DIAPH3: variants seen among roughly 807,000 people sequenced by gnomAD.
The protein encoded by DIAPH3 is protein diaphanous homolog 3.
Under a neutral mutation model 144.3 loss-of-function variants are expected in DIAPH3, and 117 were observed. The ratio of observed to expected loss-of-function variants is 0.81; its 90% CI spans 0.70 to 0.95. The LOEUF (loss-of-function observed/expected upper bound fraction) is 0.95. DIAPH3 is among the 40% of genes least tolerant of loss of function. The pLI, the probability that DIAPH3 is intolerant of heterozygous loss-of-function variation, is 0.00. For synonymous variants in DIAPH3, 519 were observed against 488.9 expected (o/e 1.06, Z -0.81); for missense variants, 1,421 against 1,412.7 (o/e 1.01, Z -0.09).
chr13:60,149,746 C>A, intron 1 of DIAPH3, among the ~76,000 whole-genome samples: 1 of 99,494 alleles, frequency 1.0e-5, no homozygotes, highest in Admixed American at 1.4e-4. Context: ...GAGTGAGACA[C>A]TGTCTCAAAA....
At chr13:59,981,133 T>C (rs1029867566) in intron 13 of DIAPH3, among the ~76,000 whole-genome samples, 2 of 151,312 alleles carry the variant, frequency 1.3e-5, no homozygotes, top group African/African-American at 4.8e-5. Flanking sequence ...CACTCAAATG[T>C]TTCTATCACC....
At chr13:59,808,029 TATAA>T (rs2040282730) in intron 25 of DIAPH3, among the ~76,000 whole-genome samples, 1 of 151,764 alleles carries the variant, frequency 6.6e-6, no homozygotes, top group African/African-American at 2.4e-5. Context: ...AAGGGAAGAT[TATAA>T]ATAAGTAGAG....
intron 27 of DIAPH3, among the ~76,000 whole-genome samples, chr13:59,756,850 A>T (rs753469449): frequency 6.6e-6 from 1 of 152,234 alleles, no homozygotes; most frequent in South Asian, 2.1e-4. Context: ...TGATAAAAAC[A>T]TACAAATAAA....
intron 4 of DIAPH3, among the ~76,000 whole-genome samples, chr13:60,045,772 CA>C (rs1243096544): frequency 1.3e-5 from 2 of 152,148 alleles, no homozygotes; most frequent in African/African-American, 4.8e-5. Flanking sequence ...AAATAAACCA[CA>C]ACTGAATAAA....
At chr13:60,074,384 C>T (rs1380432330) in intron 4 of DIAPH3, among the ~76,000 whole-genome samples, 2 of 152,132 alleles carry the variant, frequency 1.3e-5, no homozygotes, top group Non-Finnish European at 2.9e-5. Context: ...AAGGAGCAGT[C>T]ATTTATGCAA....
intron 21 of DIAPH3, among the ~76,000 whole-genome samples, chr13:59,874,293 A>C (rs2044468927): frequency 6.6e-6 from 1 of 152,178 alleles, no homozygotes; most frequent in African/African-American, 2.4e-5. Context: ...TGTCATCCAA[A>C]AGCCATTTGT....
chr13:60,129,696 G>A (rs80220925), intron 2 of DIAPH3, among the ~76,000 whole-genome samples: 4 of 152,272 alleles, frequency 2.6e-5, no homozygotes, highest in East Asian at 1.9e-4. Context: ...GAATTTCTAC[G>A]TTGAAAGCAT....
At chr13:59,893,718 A>T (rs1372668342) in intron 20 of DIAPH3, among the ~76,000 whole-genome samples, 1 of 152,174 alleles carries the variant, frequency 6.6e-6, no homozygotes, top group Non-Finnish European at 1.5e-5. Flanking sequence ...TTCAAAAATA[A>T]TGAACAAGAG....
At chr13:59,675,068 A>C (rs1428097205) in intron 27 of DIAPH3, among the ~76,000 whole-genome samples, 1 of 152,026 alleles carries the variant, frequency 6.6e-6, no homozygotes, top group African/African-American at 2.4e-5. Context: ...ATCTTTTTTC[A>C]TTTTGTTTTT....
chr13:59,883,768 C>G (rs1251709974), intron 20 of DIAPH3, among the ~76,000 whole-genome samples: 3 of 146,852 alleles, frequency 2.0e-5, no homozygotes, highest in Non-Finnish European at 3.0e-5. Context: ...CCATCTGGAA[C>G]TCAAGCTTCC....
At chr13:59,813,098 T>C (rs2139575616) in intron 24 of DIAPH3, among the ~76,000 whole-genome samples, 1 of 151,916 alleles carries the variant, frequency 6.6e-6, no homozygotes, top group Admixed American at 6.6e-5. Context: ...AAGTGTCACC[T>C]GTCCCTTTCC....
intron 12 of DIAPH3, among the ~76,000 whole-genome samples, chr13:59,984,488 A>G (rs889300473): frequency 1.3e-5 from 2 of 151,820 alleles, no homozygotes; most frequent in Non-Finnish European, 2.9e-5. Context: ...TGTTGTCATT[A>G]CAGTTAAGTC....
At chr13:59,681,187 G>T (rs555039514) in intron 27 of DIAPH3, among the ~76,000 whole-genome samples, 14 of 152,270 alleles carry the variant, frequency 9.2e-5, no homozygotes, top group Non-Finnish European at 1.9e-4. Context: ...ACAACAAAAT[G>T]CCGGGCTCAG....
In DIAPH3 at chr13:60,042,722, A is replaced by C; in HGVS notation, c.594T>G (p.Ser198=). 1 of 1,613,724 alleles carries C rather than the reference A, an allele frequency of 6.2e-7. No homozygotes were observed. Among genetic ancestry groups the C allele is most frequent in the South Asian group, 1.1e-5 (1 of 91,064 alleles). ...GATTGCTGGTCAAAGACACTCGGAG[A>C]GACTCCAGGCATGTGACAAGTCTCT... ...ADERLVTCLE[S]LRVSLTSNPV... is the part of the protein sequence containing the mutation. Residue 198 remains serine, a synonymous_variant, in exon 5 of 28, where the codon TCT becomes TCG. Coordinates refer to ENST00000400324, the MANE Select transcript of DIAPH3 (RefSeq NM_001042517.2).
intron 27 of DIAPH3, among the ~76,000 whole-genome samples, chr13:59,710,280 GA>G (rs1159252127): frequency 0.011 from 1,516 of 138,266 alleles, 21 homozygotes; most frequent in African/African-American, 0.035. Context: ...ATTTATTTTG[GA>G]AAAAAAAAAA....
rs561651083 is a variant in DIAPH3, at chr13:59,722,471, C to T, written c.3319+51718G>A. Among the ~76,000 whole-genome samples the T allele has an allele frequency of 2.6e-4, 40 of 152,228 alleles. 1 individual carries two copies. The South Asian group carries it at 8.1e-3, about 31-fold the overall frequency. ...CAGTTTGGATGTGATTTGGTTTGGC[C>T]AATCTTCAAATTGCTCACGGTTAGG... On this transcript the variant is annotated intron_variant, in intron 27 of 27. Transcript: ENST00000400324.
intron 4 of DIAPH3, among the ~76,000 whole-genome samples, chr13:60,052,050 G>C (rs1356821955): frequency 6.6e-6 from 1 of 152,178 alleles, no homozygotes; most frequent in Non-Finnish European, 1.5e-5. Context: ...CTGAGGTGCA[G>C]ATGCAGAGGA....
At chr13:59,988,224 A>G (rs1406495145) in intron 12 of DIAPH3, among the ~76,000 whole-genome samples, 1 of 151,802 alleles carries the variant, frequency 6.6e-6, no homozygotes, top group Non-Finnish European at 1.5e-5. Context: ...GCTTGCCTCT[A>G]TTTGTTCAAG....
chr13:59,970,106 T>C (rs757003571), intron 16 of DIAPH3, 48 bp from the exon 17 acceptor site: 103 of 1,143,968 alleles, frequency 9.0e-5, no homozygotes, highest in Non-Finnish European at 1.3e-4. Flanking sequence ...GTGTTTCACC[T>C]GTCCCAAGTC....
Sources: gnomAD v4.1 joint callset for allele counts (sites outside exome capture counted in the v4.1 genomes callset) on GRCh38, gnomAD v4.1.1 for gene constraint, MANE v1.5 for transcripts, NCBI Gene and HGNC (gene_info 2026-07-23, HGNC 2026-07-21) for gene names.